The following ASCC3 variants were observed in gnomAD, a reference collection of about 807,000 sequenced individuals.
ASCC3 encodes the protein activating signal cointegrator 1 complex subunit 3, also known as ASC-1 complex subunit P200.
A neutral mutation model predicts 256.3 loss-of-function variants in ASCC3; 158 were observed. The observed-to-expected ratio is 0.62, with a 90% CI of 0.54 to 0.70. ASCC3 has a LOEUF of 0.70. Among genes scored for constraint, ASCC3 ranks in the 30% least tolerant of loss-of-function variants. ASCC3 has a pLI of 0.00. For synonymous variants in ASCC3, 948 were observed against 883.4 expected (o/e 1.07, Z -1.30); for missense variants, 2,259 against 2,626.0 (o/e 0.86, Z 3.05).
chr6:100,777,598 G>T (rs1300295643), intron 8 of ASCC3, among the ~76,000 whole-genome samples: 1 of 152,126 alleles, frequency 6.6e-6, no homozygotes, highest in African/African-American at 2.4e-5. Context: ...TTTCTAGAAA[G>T]GTGCCTCAAG....
At chr6:100,586,397 A>T (rs993176601) in intron 36 of ASCC3, among the ~76,000 whole-genome samples, 39 of 152,122 alleles carry the variant, frequency 2.6e-4, no homozygotes, top group African/African-American at 8.9e-4. Flanking sequence ...CAGGTGCGAG[A>T]TATAATCTCC....
At chr6:100,754,604 C>G (rs956813666) in intron 10 of ASCC3, among the ~76,000 whole-genome samples, 1 of 152,186 alleles carries the variant, frequency 6.6e-6, no homozygotes, top group Non-Finnish European at 1.5e-5. Context: ...ACCCACCCTA[C>G]TACCCTTACC....
chr6:100,585,619 G>A (rs1175052693), intron 36 of ASCC3, among the ~76,000 whole-genome samples: 1 of 152,188 alleles, frequency 6.6e-6, no homozygotes. Context: ...TCCGTTGCTG[G>A]TGAGGAACTG....
At chr6:100,533,171 C>G (rs1248640653) in intron 37 of ASCC3, among the ~76,000 whole-genome samples, 1 of 151,572 alleles carries the variant, frequency 6.6e-6, no homozygotes, top group Non-Finnish European at 1.5e-5. Context: ...TCGTTTGTGG[C>G]CTAGTGCCTT....
intron 34 of ASCC3, among the ~76,000 whole-genome samples, chr6:100,592,409 T>C (rs190253831): frequency 1.6e-4 from 25 of 152,132 alleles, no homozygotes; most frequent in Non-Finnish European, 1.0e-4. Flanking sequence ...AATACTATTC[T>C]TGGTCAATAT....
chr6:100,723,931 TA>T, intron 11 of ASCC3, among the ~76,000 whole-genome samples: 1 of 142,740 alleles, frequency 7.0e-6, no homozygotes, highest in African/African-American at 2.5e-5. Flanking sequence ...ATATATAATA[TA>T]TATATATACA....
chr6:100,588,062 C>T (rs901707012), intron 36 of ASCC3, among the ~76,000 whole-genome samples: 2 of 152,058 alleles, frequency 1.3e-5, no homozygotes, highest in East Asian at 3.8e-4. Context: ...ACTTGAGAGG[C>T]AGTATAGTAG....
chr6:100,612,356 T>TAC (rs1773444494), intron 30 of ASCC3, among the ~76,000 whole-genome samples: 1 of 152,018 alleles, frequency 6.6e-6, no homozygotes, highest in Non-Finnish European at 1.5e-5. Flanking sequence ...GAATGTGATA[T>TAC]ATTGTTTCAA....
chr6:100,797,036 C>G (rs549785817), intron 8 of ASCC3, among the ~76,000 whole-genome samples: 1 of 151,880 alleles, frequency 6.6e-6, no homozygotes, highest in African/African-American at 2.4e-5. Flanking sequence ...TCTTTTACTC[C>G]AAGAATCCAA....
At chr6:100,850,287 C>T (rs1199406647) in intron 3 of ASCC3, among the ~76,000 whole-genome samples, 4 of 152,058 alleles carry the variant, frequency 2.6e-5, no homozygotes, top group South Asian at 2.1e-4. Context: ...TCACCAAAAA[C>T]CACGTTCTAC....
chr6:100,586,093 A>T (rs1273670285), intron 36 of ASCC3, among the ~76,000 whole-genome samples: 1 of 152,124 alleles, frequency 6.6e-6, no homozygotes, highest in East Asian at 1.9e-4. Flanking sequence ...GTGCTGGGAG[A>T]ACCACTGCTC....
At chr6:100,798,322 A>C (rs1045047507) in intron 8 of ASCC3, among the ~76,000 whole-genome samples, 2 of 152,112 alleles carry the variant, frequency 1.3e-5, no homozygotes, top group Admixed American at 1.3e-4. Context: ...TTTAGAAAAA[A>C]TAAATTCTTA....
intron 38 of ASCC3, 86 bp from the exon 39 acceptor site, chr6:100,516,413 T>C: frequency 6.8e-7 from 1 of 1,475,204 alleles, no homozygotes; most frequent in African/African-American, 1.4e-5. Flanking sequence ...TAATTATAGC[T>C]TTTTTTGTTT....
chr6:100,864,250 T>C (rs1773372555), intron 2 of ASCC3, 36 bp from the exon 3 acceptor site: 1 of 1,533,224 alleles, frequency 6.5e-7, no homozygotes, highest in Non-Finnish European at 8.9e-7. Context: ...AAGTACTGCT[T>C]AAAGTTCTTC....
In ASCC3 at chr6:100,589,786, CAAATGAAG is replaced by C. The variant is rs1562144873; in HGVS notation, c.5416-26_5416-19del. 10 of 1,613,268 alleles carry C rather than the reference CAAATGAAG, an allele frequency of 6.2e-6. No homozygotes were observed. Among genetic ancestry groups the C allele is most frequent in the Non-Finnish European group, 8.5e-6 (10 of 1,179,588 alleles). Reference sequence around the variant, plus strand: ...CGATTATCCTATTTCAAAAGAATAACAAATGAAGAGTACGATGAAAGTACATATCTTTA... The same window carrying C: ...CGATTATCCTATTTCAAAAGAATAACAGTACGATGAAAGTACATATCTTTA... On this transcript the variant is annotated intron_variant, in intron 35 of 41. Coordinates refer to ENST00000369162, the MANE Select transcript of ASCC3 (RefSeq NM_006828.4).
At chr6:100,751,218 T>A (rs1442786444) in intron 10 of ASCC3, among the ~76,000 whole-genome samples, 3 of 152,122 alleles carry the variant, frequency 2.0e-5, no homozygotes, top group Non-Finnish European at 4.4e-5. Flanking sequence ...AAGTTTCTTA[T>A]ACAAACTAAA....
intron 8 of ASCC3, among the ~76,000 whole-genome samples, chr6:100,774,301 T>C (rs1782076549): frequency 2.0e-5 from 3 of 151,982 alleles, no homozygotes; most frequent in Non-Finnish European, 2.9e-5. Context: ...GTCACGTGCA[T>C]GTACTCAGAC....
chr6:100,701,796 A>T (rs1365685577), intron 13 of ASCC3, among the ~76,000 whole-genome samples: 1 of 152,190 alleles, frequency 6.6e-6, no homozygotes. Context: ...GAGAAAGATG[A>T]AGTCTGAAGA....
At chr6:100,745,657 C>T (rs1478174653) in intron 10 of ASCC3, among the ~76,000 whole-genome samples, 1 of 152,126 alleles carries the variant, frequency 6.6e-6, no homozygotes, top group Non-Finnish European at 1.5e-5. Context: ...TTCTGTGTAT[C>T]TGCATTATCC....
Sources: gnomAD v4.1 joint callset for allele counts (sites outside exome capture counted in the v4.1 genomes callset) on GRCh38, gnomAD v4.1.1 for gene constraint, MANE v1.5 for transcripts, NCBI Gene and HGNC (gene_info 2026-07-23, HGNC 2026-07-21) for gene names.